RANBP2: variants seen among roughly 807,000 people sequenced by gnomAD.
RANBP2 encodes RAN binding protein 2.
A neutral mutation model predicts 303.6 loss-of-function variants in RANBP2; 57 were observed. That is an observed-to-expected ratio of 0.19 (90% CI 0.15 to 0.23). RANBP2 has a LOEUF of 0.23. RANBP2 is among the 10% of genes least tolerant of loss of function. The probability of loss-of-function intolerance (pLI) is 1.00; values close to 1 mark genes in which losing one functional copy is unlikely to be tolerated. For missense variants in RANBP2, 3,138 were observed against 3,780.8 expected, an observed-to-expected ratio of 0.83 and a Z score of 4.46; for synonymous variants, 1,167 against 1,301.5, an observed-to-expected ratio of 0.90 and a Z score of 2.23.
chr2:109,208,853 T>G, the RANBP2 span, among the ~76,000 whole-genome samples: 1 of 152,178 alleles, frequency 6.6e-6, no homozygotes, highest in Non-Finnish European at 1.5e-5. Context: ...CAAATTCAGG[T>G]TCATTCTCTC....
chr2:109,222,120 T>G, the RANBP2 span, among the ~76,000 whole-genome samples: 231 of 152,126 alleles, frequency 1.5e-3, no homozygotes, highest in African/African-American at 5.4e-3. Context: ...TTGGACGATC[T>G]CACTCATATG....
the RANBP2 span, among the ~76,000 whole-genome samples, chr2:108,916,704 C>T: frequency 6.6e-5 from 10 of 152,114 alleles, no homozygotes; most frequent in Admixed American, 1.3e-4. Flanking sequence ...TGTGCGCAGC[C>T]GAGGAGGTGG....
the RANBP2 span, among the ~76,000 whole-genome samples, chr2:109,394,845 G>A: frequency 5.3e-5 from 8 of 152,330 alleles, no homozygotes; most frequent in Admixed American, 3.3e-4. Flanking sequence ...AGGCCTGTGC[G>A]CGAGACGAGT....
the RANBP2 span, among the ~76,000 whole-genome samples, chr2:109,329,991 GAGAGAATGTTGACC>G: frequency 1.3e-5 from 2 of 152,192 alleles, no homozygotes; most frequent in African/African-American, 4.8e-5. Flanking sequence ...GACTAGCATT[GAGAGAATGTTGACC>G]AGAAAAAGTC....
rs1323601277 is a variant in RANBP2 at position 108,766,434 on chromosome 2, C to T, written c.5895C>T (p.Asp1965=). 3.7e-6 allele frequency: 6 copies of T among 1,611,890 alleles called. No homozygotes were observed. Among genetic ancestry groups the T allele is most frequent in the Non-Finnish European group, 5.1e-6 (6 of 1,179,842 alleles). ...AAGGATTTCAGTTTGGCAAAAAAGA[C>T]CCCAATTTCAAGGGATTTTCAGGTG... ...SGEGFQFGKK[D]PNFKGFSGAG... The change falls in exon 20 of 29, where the codon GAC becomes GAT. Residue 1965 remains aspartate (D), a synonymous_variant. Transcript: ENST00000283195.
the RANBP2 span, among the ~76,000 whole-genome samples, chr2:109,335,703 T>C: frequency 1.3e-5 from 2 of 152,208 alleles, no homozygotes; most frequent in Non-Finnish European, 2.9e-5. Flanking sequence ...CTGAGTGTTT[T>C]GTTCACTCCC....
chr2:108,811,479 G>A, the RANBP2 span, among the ~76,000 whole-genome samples: 1 of 151,988 alleles, frequency 6.6e-6, no homozygotes, highest in Non-Finnish European at 1.5e-5. Context: ...CTGGGCTCAA[G>A]TGATCCTCCT....
At chr2:108,912,768 C>T in the RANBP2 span, 2 of 1,586,078 alleles carry the variant, frequency 1.3e-6, no homozygotes, top group African/African-American at 1.3e-5. Flanking sequence ...CCCACACCTG[C>T]AAGGAAAATA....
At chr2:109,170,073 C>T in the RANBP2 span, among the ~76,000 whole-genome samples, 1 of 152,154 alleles carries the variant, frequency 6.6e-6, no homozygotes, top group Non-Finnish European at 1.5e-5. Context: ...TTGGCCAAAA[C>T]ACTTTGCCAG....
the RANBP2 span, among the ~76,000 whole-genome samples, chr2:109,425,346 T>A: frequency 2.0e-4 from 30 of 152,230 alleles, no homozygotes; most frequent in African/African-American, 6.7e-4. Flanking sequence ...CTAGCTAAAA[T>A]CACTGATGAA....
the RANBP2 span, among the ~76,000 whole-genome samples, chr2:109,348,523 G>GGTT: frequency 6.6e-6 from 1 of 152,206 alleles, no homozygotes; most frequent in African/African-American, 2.4e-5. Flanking sequence ...TGAGTAGGAG[G>GGTT]GTTGGGTGAG....
chr2:109,284,898 A>G, the RANBP2 span, among the ~76,000 whole-genome samples: 3 of 152,230 alleles, frequency 2.0e-5, no homozygotes, highest in African/African-American at 7.2e-5. Flanking sequence ...AAAAATCCAC[A>G]CTGGGCTCGT....
the RANBP2 span, among the ~76,000 whole-genome samples, chr2:109,265,759 T>A: frequency 7.2e-5 from 11 of 152,076 alleles, no homozygotes; most frequent in African/African-American, 2.7e-4. Context: ...ATGTTTAATT[T>A]AAAAAAAGAG....
chr2:109,370,962 T>G, the RANBP2 span, among the ~76,000 whole-genome samples: 15 of 152,392 alleles, frequency 9.8e-5, no homozygotes, highest in East Asian at 1.3e-3. Flanking sequence ...TCTACTTAGC[T>G]GAATTTATTT....
At chr2:109,539,952 C>T in the RANBP2 span, among the ~76,000 whole-genome samples, 3 of 152,060 alleles carry the variant, frequency 2.0e-5, no homozygotes, top group Non-Finnish European at 4.4e-5. Context: ...TGGGTTGTTT[C>T]GGGTTTTGGC....
chr2:108,721,553 A>G (rs1573671471), intron 1 of RANBP2, among the ~76,000 whole-genome samples: 1 of 152,000 alleles, frequency 6.6e-6, no homozygotes. Context: ...CGATGCTCCC[A>G]CCTCAGTCTC....
At chr2:109,613,078 C>T in the RANBP2 span, 1 of 678,626 alleles carries the variant, frequency 1.5e-6, no homozygotes, top group South Asian at 1.5e-5. Flanking sequence ...ACACAGGCAT[C>T]GGGCCTCCAA....
the RANBP2 span, among the ~76,000 whole-genome samples, chr2:109,652,715 C>T: frequency 6.6e-6 from 1 of 152,186 alleles, no homozygotes; most frequent in Non-Finnish European, 1.5e-5. Flanking sequence ...GCCAAGACTT[C>T]AGTCTCTACC....
chr2:108,920,917 T>C, the RANBP2 span, among the ~76,000 whole-genome samples: 1 of 152,116 alleles, frequency 6.6e-6, no homozygotes, highest in African/African-American at 2.4e-5. Flanking sequence ...CATGAGGCTC[T>C]GGGAGGTGAG....
Sources: gnomAD v4.1 joint callset for allele counts (sites outside exome capture counted in the v4.1 genomes callset) on GRCh38, gnomAD v4.1.1 for gene constraint, MANE v1.5 for transcripts, NCBI Gene and HGNC (gene_info 2026-07-23, HGNC 2026-07-21) for gene names.